Variants in ZNF521 observed in about 807,000 individuals in gnomAD.
The protein encoded by ZNF521 is LYST-interacting protein 3.
A neutral mutation model predicts 105.5 loss-of-function variants in ZNF521; 14 were observed. The ratio of observed to expected loss-of-function variants is 0.13; its 90% CI spans 0.09 to 0.21. The LOEUF (loss-of-function observed/expected upper bound fraction) is 0.21. Among genes scored for constraint, ZNF521 ranks in the 10% least tolerant of loss-of-function variants. ZNF521 has a pLI of 1.00. For missense variants in ZNF521, 1,233 were observed against 1,629.7 expected, an observed-to-expected ratio of 0.76 and a Z score of 4.19; for synonymous variants, 635 against 606.0, an observed-to-expected ratio of 1.05 and a Z score of -0.70.
chr18:25,310,981 A>G (rs1451075956), intron 3 of ZNF521, among the ~76,000 whole-genome samples: 1 of 152,188 alleles, frequency 6.6e-6, no homozygotes, highest in Non-Finnish European at 1.5e-5. Context: ...AAACTTTGAG[A>G]AGCTCCAGTT....
At chr18:25,333,649 C>A (rs1248768233) in intron 2 of ZNF521, among the ~76,000 whole-genome samples, 1 of 152,094 alleles carries the variant, frequency 6.6e-6, no homozygotes, top group African/African-American at 2.4e-5. Context: ...CCACACCAGT[C>A]CTTGGGACAA....
At chr18:25,147,897 G>A (rs144547391) in intron 5 of ZNF521, among the ~76,000 whole-genome samples, 250 of 152,210 alleles carry the variant, frequency 1.6e-3, no homozygotes, top group African/African-American at 5.0e-3. Context: ...AAAGGCAGCC[G>A]TACCCTGTCC....
intron 4 of ZNF521, among the ~76,000 whole-genome samples, chr18:25,212,875 T>C (rs2036217058): frequency 6.6e-6 from 1 of 151,488 alleles, no homozygotes; most frequent in Non-Finnish European, 1.5e-5. Context: ...AAAATCCAGT[T>C]GACTTAAATG....
intron 4 of ZNF521, among the ~76,000 whole-genome samples, chr18:25,218,476 G>A (rs1374088065): frequency 1.7e-5 from 2 of 116,064 alleles, no homozygotes; most frequent in Non-Finnish European, 3.4e-5. Flanking sequence ...GAGACCTCGA[G>A]CCTACTAAAA....
intron 3 of ZNF521, among the ~76,000 whole-genome samples, chr18:25,314,606 G>C (rs1027858662): frequency 9.9e-5 from 15 of 152,256 alleles, no homozygotes; most frequent in African/African-American, 3.6e-4. Flanking sequence ...CCCTGGGTAG[G>C]GCTTTATATA....
chr18:25,259,497 G>C (rs1182056268), intron 3 of ZNF521, among the ~76,000 whole-genome samples: 1 of 152,172 alleles, frequency 6.6e-6, no homozygotes, highest in African/African-American at 2.4e-5. Flanking sequence ...CATCTCCAAA[G>C]TAGTTGGAGA....
At chr18:25,236,979 T>C (rs1906941712) in intron 3 of ZNF521, among the ~76,000 whole-genome samples, 2 of 152,214 alleles carry the variant, frequency 1.3e-5, no homozygotes, top group South Asian at 4.1e-4. Context: ...AATTATCAAT[T>C]TGAGGACTTT....
chr18:25,213,441 A>G (rs1011147668), intron 4 of ZNF521, among the ~76,000 whole-genome samples: 1 of 151,870 alleles, frequency 6.6e-6, no homozygotes, highest in Non-Finnish European at 1.5e-5. Flanking sequence ...AATGTGGTCA[A>G]TTAAATTAAT....
chr18:25,200,280 A>G (rs933292050), intron 4 of ZNF521, among the ~76,000 whole-genome samples: 2 of 152,166 alleles, frequency 1.3e-5, no homozygotes, highest in Non-Finnish European at 2.9e-5. Flanking sequence ...GTCGGTAGCC[A>G]CGTTAGCCTT....
At chr18:25,182,419 G>A (rs780180590) in intron 5 of ZNF521, among the ~76,000 whole-genome samples, 84 of 152,190 alleles carry the variant, frequency 5.5e-4, no homozygotes, top group Non-Finnish European at 4.4e-4. Context: ...TTTGAAACAA[G>A]CTGGAAAATG....
intron 2 of ZNF521, among the ~76,000 whole-genome samples, chr18:25,342,492 C>G (rs112474349): frequency 7.2e-6 from 1 of 137,972 alleles, no homozygotes; most frequent in Non-Finnish European, 1.6e-5. Flanking sequence ...GCAGTGGAGC[C>G]ATCTTGGCTC....
intron 2 of ZNF521, 149 bp downstream of exon 2, chr18:25,350,758 G>A: frequency 1.5e-6 from 1 of 684,336 alleles, no homozygotes; most frequent in Non-Finnish European, 2.3e-6. Context: ...CTCCACCTAG[G>A]GGCTCAGCGG....
At chr18:25,342,947 T>G (rs1914288485) in intron 2 of ZNF521, among the ~76,000 whole-genome samples, 2 of 152,212 alleles carry the variant, frequency 1.3e-5, no homozygotes, top group African/African-American at 4.8e-5. Flanking sequence ...TATGAAATGC[T>G]GGAAATTGTT....
intron 3 of ZNF521, among the ~76,000 whole-genome samples, chr18:25,267,177 G>A (rs539277569): frequency 5.9e-5 from 9 of 152,168 alleles, no homozygotes; most frequent in Non-Finnish European, 1.0e-4. Flanking sequence ...CAAACTGGAC[G>A]GAGCCCACCG....
intron 2 of ZNF521, among the ~76,000 whole-genome samples, chr18:25,338,917 ATGAG>A (rs1473469050): frequency 2.0e-5 from 3 of 152,242 alleles, no homozygotes; most frequent in African/African-American, 7.2e-5. Flanking sequence ...CAATTCCAGA[ATGAG>A]TGAGTTGATC....
chr18:25,333,341 T>C (rs989219249), intron 2 of ZNF521, among the ~76,000 whole-genome samples: 3 of 149,884 alleles, frequency 2.0e-5, no homozygotes, highest in African/African-American at 4.9e-5. Context: ...TATACACACA[T>C]ATATATATGT....
rs758990132 is a variant in ZNF521, at chr18:25,225,454, T to G, written c.2464A>C (p.Ile822Leu). ...TCTCGCAAGTGTTTTTCTAACAAAA[T>G]GATCGCATGGAAGGCTTTGCTACAG... ...KFCSKAFHAIILLEKHLREKH... is the reference protein window; with the variant it reads ...KFCSKAFHAILLLEKHLREKH... Residue 822 changes from isoleucine (I) to leucine (L), a missense_variant, in exon 4 of 8, where the codon ATT (isoleucine) becomes CTT (leucine). Ile to Leu is a conservative substitution (Grantham distance 5, BLOSUM62 2). Transcript: ENST00000361524. The surrounding 1 kb of genome is among the most constrained non-coding windows in gnomAD (Gnocchi z 5.6). 1 of 1,614,220 alleles carries G rather than the reference T, an allele frequency of 6.2e-7. No homozygotes were observed. The highest frequency in any genetic ancestry group is 1.1e-5 in the South Asian group (1 of 91,086).
In ZNF521 at chr18:25,226,871, C is replaced by A. The variant is rs1906180922; in HGVS notation, c.1047G>T (p.Val349=). 2 of 1,613,946 alleles carry A rather than the reference C, an allele frequency of 1.2e-6. No individual in the cohort carries two copies. The highest frequency in any genetic ancestry group is 2.7e-5 in the African/African-American group (2 of 74,992). Residue 349 remains valine (V), a synonymous_variant, in exon 4 of 8, where the codon GTG becomes GTT. Coordinates refer to ENST00000361524, the MANE Select transcript of ZNF521 (RefSeq NM_015461.3). The surrounding 1 kb of genome is among the most constrained non-coding windows in gnomAD (Gnocchi z 4.1). ...NHSNSPSLVT[V]GYTSVSSTTP... The stretch of plus-strand genomic sequence containing the variant: ...TCGTACTGGACACGGAGGTATAGCC[C>A]ACCGTGACCAGGGAAGGGCTGTTGC...
chr18:25,342,663 C>T (rs1334191281), intron 2 of ZNF521, among the ~76,000 whole-genome samples: 2 of 151,922 alleles, frequency 1.3e-5, no homozygotes, highest in African/African-American at 2.4e-5. Flanking sequence ...CTCCTGACCT[C>T]GTGATCCGCC....
Sources: allele counts gnomAD v4.1 joint callset (sites outside exome capture counted in the v4.1 genomes callset), GRCh38; gene constraint gnomAD v4.1.1; non-coding constraint Gnocchi (gnomAD v3.1); transcripts MANE v1.5; gene names NCBI Gene and HGNC (gene_info 2026-07-23, HGNC 2026-07-21).